Variants in CLSTN2 observed in about 807,000 individuals in gnomAD.
CLSTN2 encodes the protein calsyntenin 2.
Under a neutral mutation model 101.2 loss-of-function variants are expected in CLSTN2, and 48 were observed. The ratio of observed to expected loss-of-function variants is 0.47; its 90% CI spans 0.38 to 0.60. The LOEUF is 0.60. Ranked by LOEUF, CLSTN2 falls within the 20% of genes least tolerant of loss-of-function variation. CLSTN2 has a pLI of 0.00. For missense variants in CLSTN2, 1,160 were observed against 1,238.2 expected (o/e 0.94, Z 0.95); for synonymous variants, 481 against 463.6 (o/e 1.04, Z -0.48).
At chr3:140,565,033 G>A (rs886893620) in intron 16 of CLSTN2, among the ~76,000 whole-genome samples, 1 of 152,210 alleles carries the variant, frequency 6.6e-6, no homozygotes, top group African/African-American at 2.4e-5. Flanking sequence ...AGCATGTGCT[G>A]TAGGTAAAAT....
At chr3:140,345,078 C>T (rs1384354521) in intron 2 of CLSTN2, among the ~76,000 whole-genome samples, 2 of 151,980 alleles carry the variant, frequency 1.3e-5, no homozygotes. Flanking sequence ...GACCATGTGG[C>T]TTATGTTCTG....
At chr3:140,554,213 C>T (rs1004765223) in intron 10 of CLSTN2, among the ~76,000 whole-genome samples, 7 of 152,008 alleles carry the variant, frequency 4.6e-5, no homozygotes, top group African/African-American at 1.2e-4. Flanking sequence ...ATGTGATGGT[C>T]GAAGGTGACA....
chr3:140,213,457 T>C (rs1300195315), intron 2 of CLSTN2, among the ~76,000 whole-genome samples: 2 of 152,224 alleles, frequency 1.3e-5, no homozygotes, highest in African/African-American at 4.8e-5. Context: ...GCATGAGCTG[T>C]GGCAGGAGCT....
At position 140,398,927 on chromosome 3, in the gene CLSTN2, A is replaced by G. The variant is rs112342603; in HGVS notation, c.233-4702A>G. 4.8e-3 allele frequency among the ~76,000 whole-genome samples: 734 copies of G among 152,276 alleles called. 9 individuals are homozygous for G. Among genetic ancestry groups the G allele is most frequent in the African/African-American group, 0.017 (709 of 41,566 alleles). On this transcript the variant is annotated intron_variant, in intron 2 of 16. Transcript: ENST00000458420. ...TAACTGTGAGATACCTGCTCACAGG[A>G]CTGAGGGTCCGGAGTGGTCATGTCT...
rs114864206 is a variant in CLSTN2, at chr3:139,981,824, G to A, written c.109+46341G>A. Among the ~76,000 whole-genome samples, 243 of 152,306 alleles carry A rather than the reference G, an allele frequency of 1.6e-3. 1 individual carries two copies. The highest frequency in any genetic ancestry group is 5.1e-3 in the African/African-American group (214 of 41,574). On this transcript the variant is annotated intron_variant, in intron 1 of 16. Coordinates refer to ENST00000458420, the MANE Select transcript of CLSTN2 (RefSeq NM_022131.3). ...GAGAGCCTCTATCTCCTTTGGGTTCGTGCTACAATGTAAGCAAATGAAAAA... is the reference window on the plus strand; with the variant it reads ...GAGAGCCTCTATCTCCTTTGGGTTCATGCTACAATGTAAGCAAATGAAAAA...
At chr3:139,961,074 A>T (rs1015860437) in intron 1 of CLSTN2, among the ~76,000 whole-genome samples, 5 of 152,188 alleles carry the variant, frequency 3.3e-5, no homozygotes, top group African/African-American at 1.2e-4. Flanking sequence ...GTAGGATAGC[A>T]TGGAAGCTCA....
chr3:140,260,171 C>T (rs944930044), intron 2 of CLSTN2, among the ~76,000 whole-genome samples: 4 of 148,276 alleles, frequency 2.7e-5, no homozygotes, highest in African/African-American at 4.9e-5. Flanking sequence ...ATATAAAATA[C>T]TGTACACCAT....
chr3:140,022,929 C>T (rs2007348222), intron 1 of CLSTN2, among the ~76,000 whole-genome samples: 1 of 152,182 alleles, frequency 6.6e-6, no homozygotes, highest in East Asian at 1.9e-4. Context: ...GTAATGTCCT[C>T]AAGGTCCCAA....
At chr3:140,276,706 A>C (rs2086797827) in intron 2 of CLSTN2, among the ~76,000 whole-genome samples, 1 of 152,206 alleles carries the variant, frequency 6.6e-6, no homozygotes, top group Admixed American at 6.5e-5. Context: ...ATTTAGCATC[A>C]AAAGTCCCAC....
chr3:140,526,943 G>T (rs988690282), intron 8 of CLSTN2, among the ~76,000 whole-genome samples: 1 of 151,990 alleles, frequency 6.6e-6, no homozygotes, highest in Non-Finnish European at 1.5e-5. Context: ...ACTCAAAATG[G>T]GTTAAAGATT....
chr3:140,199,507 T>C (rs1159540760), intron 2 of CLSTN2, among the ~76,000 whole-genome samples: 4 of 152,192 alleles, frequency 2.6e-5, no homozygotes, highest in African/African-American at 9.6e-5. Context: ...AAGAGGTGGG[T>C]GTTTCCCAGA....
At chr3:139,992,188 C>A (rs1241524168) in intron 1 of CLSTN2, among the ~76,000 whole-genome samples, 3 of 151,866 alleles carry the variant, frequency 2.0e-5, no homozygotes, top group Admixed American at 2.0e-4. Flanking sequence ...GTGGAGAGGG[C>A]AATTTATGAG....
At chr3:140,166,571 G>A (rs1009775238) in intron 1 of CLSTN2, among the ~76,000 whole-genome samples, 7 of 152,112 alleles carry the variant, frequency 4.6e-5, no homozygotes, top group South Asian at 2.1e-4. Flanking sequence ...ATCATGAGCC[G>A]CTTGGCCCTG....
intron 10 of CLSTN2, among the ~76,000 whole-genome samples, chr3:140,553,939 G>A (rs1935753504): frequency 6.6e-6 from 1 of 152,196 alleles, no homozygotes; most frequent in East Asian, 1.9e-4. Context: ...TCCTTTTGGG[G>A]AGTGACAGGA....
chr3:140,261,415 A>T (rs548681144), intron 2 of CLSTN2, among the ~76,000 whole-genome samples: 1 of 152,100 alleles, frequency 6.6e-6, no homozygotes, highest in Non-Finnish European at 1.5e-5. Context: ...ATATATCCCC[A>T]TCACTGTCTT....
chr3:140,536,592 G>A (rs1935363334), intron 9 of CLSTN2, among the ~76,000 whole-genome samples: 1 of 152,158 alleles, frequency 6.6e-6, no homozygotes, highest in African/African-American at 2.4e-5. Context: ...TTGGAAGGTG[G>A]GGCTTGAGAT....
chr3:140,047,343 C>T (rs991142074), intron 1 of CLSTN2, among the ~76,000 whole-genome samples: 2 of 152,134 alleles, frequency 1.3e-5, no homozygotes, highest in African/African-American at 4.8e-5. Context: ...TGATATACAA[C>T]ATATATATGG....
chr3:140,062,111 A>C (rs1326453039), intron 1 of CLSTN2, among the ~76,000 whole-genome samples: 1 of 152,176 alleles, frequency 6.6e-6, no homozygotes, highest in Non-Finnish European at 1.5e-5. Context: ...AGTGAAATGC[A>C]TCAGGTATGC....
intron 1 of CLSTN2, among the ~76,000 whole-genome samples, chr3:140,061,573 C>T (rs1386043652): frequency 2.0e-5 from 3 of 152,184 alleles, no homozygotes; most frequent in African/African-American, 7.2e-5. Context: ...TCCCCTGCAC[C>T]ACTCTCCTCT....
Sources: allele counts gnomAD v4.1 joint callset (sites outside exome capture counted in the v4.1 genomes callset), GRCh38; gene constraint gnomAD v4.1.1; transcripts MANE v1.5; gene names NCBI Gene and HGNC (gene_info 2026-07-23, HGNC 2026-07-21).